The following CDC20B variants were observed in gnomAD, a reference collection of about 807,000 sequenced individuals.
The protein encoded by CDC20B is cell division cycle protein 20 homolog B.
A neutral mutation model predicts 64.1 loss-of-function variants in CDC20B; 58 were observed. The observed-to-expected ratio is 0.90, with a 90% CI of 0.73 to 1.13. The LOEUF (loss-of-function observed/expected upper bound fraction) is 1.13. Ranked by LOEUF, CDC20B falls within the 50% of genes most tolerant of loss-of-function variation. The pLI is 0.00. For synonymous variants in CDC20B, 243 were observed against 230.6 expected (o/e 1.05, Z -0.49); for missense variants, 597 against 633.0 (o/e 0.94, Z 0.61).
At chr5:55,146,297 C>A (rs1247136220) in intron 3 of CDC20B, among the ~76,000 whole-genome samples, 5 of 152,216 alleles carry the variant, frequency 3.3e-5, no homozygotes, top group Admixed American at 3.3e-4. Context: ...GGCTCCTACG[C>A]ACTTCCAATT....
chr5:55,144,646 C>T (rs955533392), intron 3 of CDC20B, among the ~76,000 whole-genome samples: 2 of 152,230 alleles, frequency 1.3e-5, no homozygotes, highest in East Asian at 1.9e-4. Flanking sequence ...AGAAATTATG[C>T]ATGCTTGCTT....
intron 2 of CDC20B, among the ~76,000 whole-genome samples, chr5:55,155,588 G>A (rs1483338376): frequency 6.6e-6 from 1 of 152,136 alleles, no homozygotes; most frequent in Non-Finnish European, 1.5e-5. Context: ...TAGTCATGAA[G>A]ACCAAAATGT....
rs755807362 is a variant in CDC20B, at chr5:55,172,618, CAA to C, written c.94_95del (p.Leu32GlufsTer16). The C allele has an allele frequency of 3.1e-6, 5 of 1,613,752 alleles. No individual in the cohort carries two copies. The highest frequency in any genetic ancestry group is 4.2e-6 in the Non-Finnish European group (5 of 1,179,676). ...CGGAATCTTGACTTCTCTTCTGCTT[CAA>C]GTCTTTGGAGAGCACACGCATGATA... ...ESIMRVLSKDLKQKRSQDSAN... is the reference protein window; with the variant it reads ...ESIMRVLSKDXKQKRSQDSAN... On this transcript the variant is annotated frameshift_variant, in exon 2 of 12. Transcript: ENST00000381375. LOFTEE classifies it high-confidence loss of function.
intron 2 of CDC20B, among the ~76,000 whole-genome samples, chr5:55,155,298 T>C (rs1580360676): frequency 6.6e-6 from 1 of 151,954 alleles, no homozygotes; most frequent in Non-Finnish European, 1.5e-5. Context: ...ACTGAGAAAA[T>C]AGAAACAAAT....
chr5:55,134,881 CT>C (rs1227687672), intron 5 of CDC20B, among the ~76,000 whole-genome samples: 3 of 152,130 alleles, frequency 2.0e-5, no homozygotes, highest in Non-Finnish European at 2.9e-5. Flanking sequence ...AAAAAGGTTT[CT>C]ATGGGAAGGG....
chr5:55,140,513 C>A, intron 4 of CDC20B, 106 bp from the exon 5 acceptor site: 3 of 650,698 alleles, frequency 4.6e-6, no homozygotes, highest in Non-Finnish European at 7.7e-6. Flanking sequence ...CTAAGGAGTT[C>A]AAAGATTCCA....
chr5:55,172,274 A>C (rs1554016717), intron 2 of CDC20B: 2 of 275,288 alleles, frequency 7.3e-6, no homozygotes, highest in Admixed American at 5.0e-5. Context: ...TTCTGAATGC[A>C]ACAGAGAGGA....
chr5:55,115,891 C>A (rs1239098592), intron 11 of CDC20B, among the ~76,000 whole-genome samples: 1 of 152,186 alleles, frequency 6.6e-6, no homozygotes, highest in Non-Finnish European at 1.5e-5. Flanking sequence ...CACACACACA[C>A]ACGCACACAC....
At position 55,173,001 on chromosome 5, in the gene CDC20B, C is replaced by T; in HGVS notation, c.-1G>A. On this transcript the variant is annotated 5_prime_UTR_variant, in exon 1 of 12. Coordinates refer to ENST00000381375, the MANE Select transcript of CDC20B (RefSeq NM_001170402.1). The stretch of plus-strand genomic sequence containing the variant: ...CGGTGCGCTCCAGTTTCCACTCCAT[C>T]TCCGGCTGACTTCGCCCTGCCTGGC... The T allele has an allele frequency of 1.2e-6, 2 of 1,610,652 alleles. No individual in the cohort carries two copies. Among genetic ancestry groups the T allele is most frequent in the African/African-American group, 1.3e-5 (1 of 74,962 alleles).
At chr5:55,148,287 A>G (rs1424180130) in intron 2 of CDC20B, among the ~76,000 whole-genome samples, 1 of 152,242 alleles carries the variant, frequency 6.6e-6, no homozygotes, top group Non-Finnish European at 1.5e-5. Context: ...GAAGGTGCCA[A>G]AAACAAACAC....
chr5:55,142,771 A>G (rs1023364584), intron 4 of CDC20B, among the ~76,000 whole-genome samples: 2 of 152,220 alleles, frequency 1.3e-5, no homozygotes, highest in Non-Finnish European at 2.9e-5. Context: ...ACTAAAATTT[A>G]TATGAACAAT....
At chr5:55,148,690 C>G (rs971805259) in intron 2 of CDC20B, among the ~76,000 whole-genome samples, 1 of 152,032 alleles carries the variant, frequency 6.6e-6, no homozygotes, top group African/African-American at 2.4e-5. Flanking sequence ...AAAGTGAGAC[C>G]CTGTCTCAAA....
chr5:55,168,414 C>T (rs2111611000), intron 2 of CDC20B, among the ~76,000 whole-genome samples: 1 of 152,154 alleles, frequency 6.6e-6, no homozygotes. Flanking sequence ...CCTTTTCCCT[C>T]TGCTTGACCC....
intron 4 of CDC20B, among the ~76,000 whole-genome samples, chr5:55,142,558 C>G (rs1006858892): frequency 1.3e-5 from 2 of 152,068 alleles, no homozygotes; most frequent in African/African-American, 2.4e-5. Context: ...GGTAGGGCAG[C>G]AAAAACTCCA....
chr5:55,170,853 G>T (rs1018582673), intron 2 of CDC20B: 10 of 367,750 alleles, frequency 2.7e-5, no homozygotes, highest in Admixed American at 6.9e-5. Context: ...TACACAAAAT[G>T]TATTACTTCA....
chr5:55,153,230 C>A (rs1262229751), intron 2 of CDC20B, among the ~76,000 whole-genome samples: 6 of 118,070 alleles, frequency 5.1e-5, no homozygotes, highest in South Asian at 6.2e-4. Context: ...TATAGCCAGA[C>A]CTTGTCTCAT....
chr5:55,148,948 T>C (rs1743581695), intron 2 of CDC20B, among the ~76,000 whole-genome samples: 1 of 152,228 alleles, frequency 6.6e-6, no homozygotes, highest in African/African-American at 2.4e-5. Flanking sequence ...CACCTGAGGC[T>C]CACCTGTCTG....
At chr5:55,161,064 T>C (rs1744025386) in intron 2 of CDC20B, 1 of 1,614,192 alleles carries the variant, frequency 6.2e-7, no homozygotes, top group Middle Eastern at 1.6e-4. Flanking sequence ...CTGAAGGAAC[T>C]GCACAAAGAG....
At position 55,113,759 on chromosome 5, in the gene CDC20B, G is replaced by A. The variant is rs389075; in HGVS notation, c.*459C>T. The A allele has an allele frequency of 0.2, 31,375 of 156,906 alleles. 3,258 individuals carry two copies. Among genetic ancestry groups the A allele is most frequent in the South Asian group, 0.29 (1,481 of 5,168 alleles). The allele number at this position is 156,906 out of a possible 1,614,324, so 9.7% of individuals were successfully genotyped here. On this transcript the variant is annotated 3_prime_UTR_variant, in exon 12 of 12. Coordinates refer to ENST00000381375, the MANE Select transcript of CDC20B (RefSeq NM_001170402.1). ...CTGCCTAGCATATAGTGAGATTTTA[G>A]TAAGTGTTTTTCAAGTGAATGAGTT...
Sources: gnomAD v4.1 joint callset for allele counts (sites outside exome capture counted in the v4.1 genomes callset) on GRCh38, gnomAD v4.1.1 for gene constraint, MANE v1.5 for transcripts, NCBI Gene and HGNC (gene_info 2026-07-23, HGNC 2026-07-21) for gene names.